The following NUTM2F variants were observed in gnomAD, a reference collection of about 807,000 sequenced individuals.
The protein encoded by NUTM2F is family with sequence similarity 22, member F.
In NUTM2F, 22 loss-of-function variants were observed where a neutral mutation model predicts 43.3. That is an observed-to-expected ratio of 0.51 (90% CI 0.36 to 0.73). NUTM2F has a LOEUF of 0.73. NUTM2F is among the 30% of genes least tolerant of loss of function. The pLI, the probability that NUTM2F is intolerant of heterozygous loss-of-function variation, is 0.00. For synonymous variants in NUTM2F, 202 were observed against 389.0 expected, an observed-to-expected ratio of 0.52 and a Z score of 5.66; for missense variants, 488 against 927.4, an observed-to-expected ratio of 0.53 and a Z score of 6.15.
rs373272463 is a variant in NUTM2F at position 94,328,564 on chromosome 9, G to A, written c.16+44C>T. 3.2e-5 allele frequency: 51 copies of A among 1,613,736 alleles called. No homozygotes were observed. The Middle Eastern group carries it at 6.6e-4, about 21-fold the overall frequency. ...TTCAAATTTGAATTCCCAAGGAGTT[G>A]AGGCAAGGCAGACTCGGATAATGCC... On this transcript the variant is annotated intron_variant, in intron 1 of 6. Coordinates refer to ENST00000253262, the MANE Select transcript of NUTM2F (RefSeq NM_017561.2).
chr9:94,326,017 G>A, intron 1 of NUTM2F, 83 bp from the exon 2 acceptor site: 1 of 1,505,490 alleles, frequency 6.6e-7, no homozygotes, highest in Non-Finnish European at 9.1e-7. Context: ...AGTCCCAACA[G>A]CTGAGGGCAT....
At chr9:94,324,286 A>T (rs1317698123) in intron 2 of NUTM2F, among the ~76,000 whole-genome samples, 1 of 150,566 alleles carries the variant, frequency 6.6e-6, no homozygotes, top group African/African-American at 2.4e-5. Context: ...ACAAACAAAA[A>T]AGACCTAAAC....
intron 2 of NUTM2F, among the ~76,000 whole-genome samples, chr9:94,322,531 C>A (rs1375382984): frequency 1.3e-5 from 2 of 152,260 alleles, no homozygotes; most frequent in South Asian, 2.1e-4. Context: ...GCCTCTCCGA[C>A]TGCCTCTCAA....
At chr9:94,321,298 G>A in intron 3 of NUTM2F, 66 bp from the exon 4 acceptor site, 1 of 1,538,140 alleles carries the variant, frequency 6.5e-7, no homozygotes, top group Non-Finnish European at 8.7e-7. Context: ...GGACCAGGCA[G>A]CAGCTGAGGG....
At position 94,321,088 on chromosome 9, in the gene NUTM2F, T is replaced by C. The variant is rs1831357890; in HGVS notation, c.982+5A>G. 6.5e-6 allele frequency: 10 copies of C among 1,544,510 alleles called. No homozygotes were observed. Among genetic ancestry groups the C allele is most frequent in the South Asian group, 1.2e-5 (1 of 84,602 alleles). ...TGGCTCCTGTGGGAATGTGGGAAGC[T>C]GTACCTGGCTGCTTGACCACCTCAG... On this transcript the variant is annotated splice_donor_5th_base_variant and intron_variant, in intron 4 of 6. Transcript: ENST00000253262.
In NUTM2F at chr9:94,319,486, C is replaced by A. The variant is rs1022357413; in HGVS notation, c.1485+127G>T. 2.9e-4 allele frequency: 239 copies of A among 824,700 alleles called. No individual in the cohort carries two copies. The Middle Eastern group carries it at 3.0e-3, about 10-fold the overall frequency. The allele number at this position is 824,700 out of a possible 1,614,324, so 51.1% of individuals were successfully genotyped here. A position where few individuals can be genotyped will look rare whatever the true frequency, so the allele number is the denominator to read the frequency against. On this transcript the variant is annotated intron_variant, in intron 6 of 6. Transcript: ENST00000253262. Reference sequence around the variant, plus strand: ...CTCCCTCTGAACCTGCATCTTCCCACCCCGGAGTGGCTCCCCAAGAAGCTG... The same window carrying A: ...CTCCCTCTGAACCTGCATCTTCCCAACCCGGAGTGGCTCCCCAAGAAGCTG...
chr9:94,328,496 T>G (rs1831477379), intron 1 of NUTM2F, 112 bp downstream of exon 1: 1 of 1,569,228 alleles, frequency 6.4e-7, no homozygotes, highest in Non-Finnish European at 8.8e-7. Context: ...CATCCAGTGC[T>G]CCCTCCCTCA....
chr9:94,326,861 C>G (rs913665098), intron 1 of NUTM2F, among the ~76,000 whole-genome samples: 1 of 151,946 alleles, frequency 6.6e-6, no homozygotes, highest in African/African-American at 2.4e-5. Flanking sequence ...AGTGATTGTC[C>G]TGGCACCACC....
intron 1 of NUTM2F, 67 bp from the exon 2 acceptor site, chr9:94,326,001 C>G: frequency 6.3e-7 from 1 of 1,583,708 alleles, no homozygotes; most frequent in South Asian, 1.1e-5. Context: ...ACTGGGGAAT[C>G]AGGGGAGTCC....
intron 1 of NUTM2F, among the ~76,000 whole-genome samples, chr9:94,327,296 G>A (rs1831463214): frequency 6.6e-6 from 1 of 151,740 alleles, no homozygotes; most frequent in African/African-American, 2.4e-5. Context: ...TAGAGACGGG[G>A]TTTCACCATA....
intron 2 of NUTM2F, among the ~76,000 whole-genome samples, chr9:94,323,000 A>T (rs1404730589): frequency 2.6e-5 from 4 of 151,760 alleles, no homozygotes; most frequent in Non-Finnish European, 5.9e-5. Flanking sequence ...CTGAGCATTT[A>T]ACCAGCTTCC....
intron 5 of NUTM2F, 89 bp from the exon 6 acceptor site, chr9:94,319,818 G>A: frequency 5.7e-6 from 9 of 1,577,056 alleles, no homozygotes; most frequent in Non-Finnish European, 7.8e-6. Flanking sequence ...AAAGCGGGGA[G>A]GGCCCCATTC....
rs1376020356 is a variant in NUTM2F at position 94,319,661 on chromosome 9, C to G, written c.1437G>C (p.Leu479Phe). ...LLSPDPQMDF[L>F]ALSQELEQEE... is the part of the protein sequence containing the mutation. ...CCTGCTCCAGCTCCTGGCTTAGGGC[C>G]AAGAAATCCATCTGTGGATCTGGGG... Residue 479 changes from leucine to phenylalanine, a missense_variant, in exon 6 of 7, where the codon TTG (leucine) becomes TTC (phenylalanine). Coordinates refer to ENST00000253262, the MANE Select transcript of NUTM2F (RefSeq NM_017561.2). 1.2e-6 allele frequency: 2 copies of G among 1,611,984 alleles called. No homozygotes were observed. Among genetic ancestry groups the G allele is most frequent in the Admixed American group, 3.3e-5 (2 of 59,984 alleles).
chr9:94,325,662 C>A lies in NUTM2F; in HGVS notation c.289G>T (p.Ala97Ser), dbSNP rs1360504248. The change falls in exon 2 of 7, where the codon GCA becomes TCA. Residue 97 changes from alanine (A) to serine (S), a missense_variant. By Grantham distance (99) the Ala-to-Ser change is moderately conservative (BLOSUM62 1). Transcript: ENST00000253262. ...GCCTGAGTTAGGATCAAGGTCTGTG[C>A]CTGAGGGGGCTTCACAGGCCCCACT... ...TEVGPVKPPQAQTLILTQAPL... is the reference protein window; with the variant it reads ...TEVGPVKPPQSQTLILTQAPL... 3.1e-6 allele frequency: 5 copies of A among 1,609,954 alleles called. No homozygotes were observed. The highest frequency in any genetic ancestry group is 2.2e-5 in the East Asian group (1 of 44,792).
chr9:94,327,036 C>T (rs1445892954), intron 1 of NUTM2F, among the ~76,000 whole-genome samples: 1 of 149,456 alleles, frequency 6.7e-6, no homozygotes, highest in Non-Finnish European at 1.5e-5. Context: ...CTGCACATGA[C>T]TAGAACACAG....
chr9:94,319,509 C>A, intron 6 of NUTM2F, 104 bp downstream of exon 6: 5 of 1,362,576 alleles, frequency 3.7e-6, no homozygotes, highest in Non-Finnish European at 5.2e-6. Context: ...CCCCAAGAAG[C>A]TGAACATCCC....
rs754392473 is a variant in NUTM2F at position 94,320,568 on chromosome 9, G to A, written c.1008C>T (p.Pro336=). The A allele has an allele frequency of 6.8e-6, 11 of 1,608,876 alleles. No individual in the cohort carries two copies. In the South Asian group the frequency reaches 1.1e-4, roughly 16 times the overall value. ...GTGGCAGGCAGGCAGTCGGGGCCTT[G>A]GGGCCATCCTTGCTGGGAAGGTACA... ...QPVYLPSKDG[P]KAPTACLPPP... The change falls in exon 5 of 7, where the codon CCC becomes CCT. Residue 336 remains proline (P), a synonymous_variant. Coordinates refer to ENST00000253262, the MANE Select transcript of NUTM2F (RefSeq NM_017561.2). This position sits in a 1 kb window ranked among gnomAD's most constrained non-coding sequence, Gnocchi z 4.5.
chr9:94,321,413 C>T (rs1212187447), intron 3 of NUTM2F, among the ~76,000 whole-genome samples, 181 bp from the exon 4 acceptor site: 1 of 151,194 alleles, frequency 6.6e-6, no homozygotes, highest in Non-Finnish European at 1.5e-5. Flanking sequence ...CTCACCCTCC[C>T]TCACCCGGCC....
At chr9:94,322,390 G>A (rs2118729632) in intron 2 of NUTM2F, 61 bp from the exon 3 acceptor site, 1 of 1,606,268 alleles carries the variant, frequency 6.2e-7, no homozygotes, top group South Asian at 1.1e-5. Context: ...GGCCCACCTG[G>A]TCCCAACACC....
Sources: gnomAD v4.1 joint callset for allele counts (sites outside exome capture counted in the v4.1 genomes callset) on GRCh38, gnomAD v4.1.1 for gene constraint, Gnocchi (gnomAD v3.1) non-coding constraint, MANE v1.5 for transcripts, NCBI Gene and HGNC (gene_info 2026-07-23, HGNC 2026-07-21) for gene names.